The following PCDHGB3 variants were observed in gnomAD, a reference collection of about 807,000 sequenced individuals.
PCDHGB3 encodes the protein protocadherin gamma subfamily B, 3, also known as protocadherin gamma-B3.
In PCDHGB3, 40 loss-of-function variants were observed where a neutral mutation model predicts 59.2. The observed-to-expected ratio is 0.68, with a 90% confidence interval of 0.52 to 0.88. The LOEUF (loss-of-function observed/expected upper bound fraction) is 0.88, where lower values mean the gene tolerates loss of function less well. PCDHGB3 is among the 40% of genes least tolerant of loss of function. The pLI, the probability that PCDHGB3 is intolerant of heterozygous loss-of-function variation, is 0.00. For missense variants in PCDHGB3, 1,309 were observed against 1,187.9 expected (o/e 1.10, Z -1.50); for synonymous variants, 581 against 503.6 (o/e 1.15, Z -2.06).
chr5:141,396,893 A>G (rs1441946913), intron 1 of PCDHGB3, among the ~76,000 whole-genome samples: 2 of 152,226 alleles, frequency 1.3e-5, no homozygotes, highest in Non-Finnish European at 1.5e-5. Flanking sequence ...AGGACAACAT[A>G]TTATTGGCAC....
intron 1 of PCDHGB3, chr5:141,399,398 G>A (rs1374441258): frequency 6.2e-7 from 1 of 1,613,972 alleles, no homozygotes; most frequent in Non-Finnish European, 8.5e-7. Flanking sequence ...ACAGACAGGG[G>A]CAAGCCGCCC....
chr5:141,404,300 C>T (rs749132060), intron 1 of PCDHGB3: 3 of 1,613,862 alleles, frequency 1.9e-6, no homozygotes, highest in South Asian at 2.2e-5. Flanking sequence ...TGATAATCCA[C>T]CTGCTTTCTC....
At chr5:141,394,754 G>A (rs753264235) in intron 1 of PCDHGB3, 3 of 1,613,428 alleles carry the variant, frequency 1.9e-6, no homozygotes, top group African/African-American at 2.7e-5. Flanking sequence ...TGGCCGTCCA[G>A]GACCATGGCC....
Position 141,491,757 on chromosome 5 carries a change from C to G in PCDHGB3, c.2416-3050C>G. ...CTGGGGGCGGCACTGGAGAAGCCGC[C>G]CGTCCTCATAAGGGATTGAACTTGC... On this transcript the variant is annotated intron_variant, in intron 1 of 3. Coordinates refer to ENST00000576222, the MANE Select transcript of PCDHGB3 (RefSeq NM_018924.5). This position sits in a 1 kb window ranked among gnomAD's most constrained non-coding sequence, Gnocchi z 6.9. 1 of 1,580,374 alleles carries G rather than the reference C, an allele frequency of 6.3e-7. No individual in the cohort carries two copies. The highest frequency in any genetic ancestry group is 1.9e-5 in the Admixed American group (1 of 53,534).
intron 1 of PCDHGB3, among the ~76,000 whole-genome samples, chr5:141,456,288 G>A (rs371687260): frequency 1.4e-3 from 217 of 152,226 alleles, no homozygotes; most frequent in Middle Eastern, 6.8e-3. Context: ...GAAAAGGGGC[G>A]TCTAATGGAG....
chr5:141,488,711 A>G (rs184498001), intron 1 of PCDHGB3, among the ~76,000 whole-genome samples: 100 of 152,290 alleles, frequency 6.6e-4, no homozygotes, highest in Non-Finnish European at 1.2e-3. Context: ...TGCTGGTTCA[A>G]GCAAAGTGGT....
chr5:141,415,249 G>A (rs756443082), intron 1 of PCDHGB3: 1 of 1,614,204 alleles, frequency 6.2e-7, no homozygotes, highest in South Asian at 1.1e-5. Context: ...TGAAACCTCA[G>A]ACCTCACTCT....
rs375307919 is a variant in PCDHGB3, at chr5:141,371,297, C to T, written c.903C>T (p.Leu301=). The part of the protein sequence containing the change: ...LFKLDSKTGE[L]TTIGELDFEE... ...AGCTGGACAGTAAAACGGGGGAACT[C>T]ACCACTATTGGAGAACTGGACTTTG... Residue 301 remains leucine (L), a synonymous_variant, in exon 1 of 4, where the codon CTC becomes CTT. Coordinates refer to ENST00000576222, the MANE Select transcript of PCDHGB3 (RefSeq NM_018924.5). 11 of 1,613,878 alleles carry T rather than the reference C, an allele frequency of 6.8e-6. No individual in the cohort carries two copies. The African/African-American group carries it at 1.5e-4, about 22-fold the overall frequency.
At chr5:141,382,989 T>C (rs1377336206) in intron 1 of PCDHGB3, 5 of 1,613,356 alleles carry the variant, frequency 3.1e-6, no homozygotes, top group East Asian at 2.2e-5. Context: ...GGGCAGGACG[T>C]ATTCTCTACT....
chr5:141,391,331 G>A (rs75432065), intron 1 of PCDHGB3: 5 of 95,914 alleles, frequency 5.2e-5, no homozygotes, highest in Non-Finnish European at 6.3e-5. Context: ...TTTTTTTTTT[G>A]AGACAGAGTC....
chr5:141,403,049 T>C (rs368917303), intron 1 of PCDHGB3: 2 of 1,613,938 alleles, frequency 1.2e-6, no homozygotes, highest in Non-Finnish European at 1.7e-6. Flanking sequence ...TCAGATTCGC[T>C]ACTCAGTGCC....
rs2093886414 is a variant in PCDHGB3 at position 141,399,784 on chromosome 5, G to C, written c.2415+26975G>C. On this transcript the variant is annotated intron_variant, in intron 1 of 3. Transcript: ENST00000576222. ...GCGCGTGTTGGTGGGCGACCGAAAC[G>C]ACAACGCACCGCGGGTGCTGTACCC... The C allele has an allele frequency of 2.5e-6, 4 of 1,613,288 alleles. No homozygotes were observed. The East Asian group carries it at 6.7e-5, about 27-fold the overall frequency.
chr5:141,479,057 T>A (rs2099487107), intron 1 of PCDHGB3, among the ~76,000 whole-genome samples: 1 of 152,234 alleles, frequency 6.6e-6, no homozygotes, highest in East Asian at 1.9e-4. Context: ...TCTCAGATAA[T>A]TTTTTATGAA....
intron 1 of PCDHGB3, chr5:141,399,985 G>A (rs775731140): frequency 6.2e-7 from 1 of 1,612,396 alleles, no homozygotes; most frequent in South Asian, 1.1e-5. Flanking sequence ...GCTGCGCACA[G>A]GAGAGGTGCG....
At chr5:141,449,000 T>G (rs1424736421) in intron 1 of PCDHGB3, among the ~76,000 whole-genome samples, 1 of 151,774 alleles carries the variant, frequency 6.6e-6, no homozygotes, top group African/African-American at 2.4e-5. Context: ...TAGAAAGCTG[T>G]TTTTTTTAAC....
chr5:141,506,165 C>T (rs1359711670), intron 3 of PCDHGB3, among the ~76,000 whole-genome samples: 8 of 152,038 alleles, frequency 5.3e-5, no homozygotes, highest in South Asian at 2.1e-4. Context: ...AAGAGCACAG[C>T]CTAAGCTGGG....
At chr5:141,423,642 T>C (rs1293550754) in intron 1 of PCDHGB3, 2 of 1,596,770 alleles carry the variant, frequency 1.3e-6, no homozygotes, top group African/African-American at 2.7e-5. Flanking sequence ...TAGGCAAATG[T>C]GACCCGACAA....
chr5:141,490,062 C>A lies in PCDHGB3; in HGVS notation c.2416-4745C>A, dbSNP rs758715682. 6.2e-7 allele frequency: 1 copy of A among 1,614,218 alleles called. No homozygotes were observed. The highest frequency in any genetic ancestry group is 1.1e-5 in the South Asian group (1 of 91,082). ...CCACTGATCCAGACGAGGGCACCAA[C>A]GGCCAACTAGACTATTCTTTTGGAG... On this transcript the variant is annotated intron_variant, in intron 1 of 3. Coordinates refer to ENST00000576222, the MANE Select transcript of PCDHGB3 (RefSeq NM_018924.5). The surrounding 1 kb of genome is among the most constrained non-coding windows in gnomAD (Gnocchi z 5.4).
rs1206206519 is a variant in PCDHGB3 at position 141,432,127 on chromosome 5, C to G, written c.2415+59318C>G. ...ACCCGCCGGTCTTCCCTCAGGCCTC[C>G]TATTCCGCTTATATCCCAGAGAACA... On this transcript the variant is annotated intron_variant, in intron 1 of 3. Coordinates refer to ENST00000576222, the MANE Select transcript of PCDHGB3 (RefSeq NM_018924.5). The surrounding 1 kb of genome is among the most constrained non-coding windows in gnomAD (Gnocchi z 6.0). The G allele has an allele frequency of 6.8e-6, 11 of 1,614,160 alleles. No homozygotes were observed. The highest frequency in any genetic ancestry group is 8.5e-6 in the Non-Finnish European group (10 of 1,180,032).
Sources: allele counts gnomAD v4.1 joint callset (sites outside exome capture counted in the v4.1 genomes callset), GRCh38; gene constraint gnomAD v4.1.1; non-coding constraint Gnocchi (gnomAD v3.1); transcripts MANE v1.5; gene names NCBI Gene and HGNC (gene_info 2026-07-23, HGNC 2026-07-21).